Variants in CFAP47 observed in about 807,000 individuals in gnomAD.
CFAP47 encodes cilia and flagella associated protein 47, also known as cilia- and flagella-associated protein 47.
In CFAP47, 29 loss-of-function variants were observed where a neutral mutation model predicts 148.1. That is an observed-to-expected ratio of 0.20 (90% CI 0.15 to 0.27). CFAP47 has a LOEUF of 0.27. CFAP47 is among the 10% of genes least tolerant of loss of function. The pLI is 1.00. For synonymous variants in CFAP47, 664 were observed against 577.3 expected (o/e 1.15, Z -2.15); for missense variants, 1,872 against 1,697.5 (o/e 1.10, Z -1.81).
chrX:36,356,840 C>T (rs1228464125), intron 60 of CFAP47, among the ~76,000 whole-genome samples: 2 of 111,790 alleles, frequency 1.8e-5, no homozygotes, highest in African/African-American at 6.5e-5. Context: ...TAATCACATA[C>T]TTGTCTTCTC....
At chrX:36,230,073 G>A (rs1250855111) in intron 46 of CFAP47, among the ~76,000 whole-genome samples, 61 of 108,565 alleles carry the variant, frequency 5.6e-4, no homozygotes, top group African/African-American at 1.6e-3. Flanking sequence ...ATAAACATAC[G>A]TGTGCATGTG....
chrX:36,378,602 C>G (rs914009453), intron 62 of CFAP47, among the ~76,000 whole-genome samples: 24 of 111,460 alleles, frequency 2.2e-4, no homozygotes, highest in Non-Finnish European at 2.8e-4. Flanking sequence ...TGCAATGGTG[C>G]TATCTCGGCT....
chrX:36,259,340 C>T (rs1279405486), intron 49 of CFAP47, among the ~76,000 whole-genome samples: 1 of 111,194 alleles, frequency 9.0e-6, no homozygotes, highest in Non-Finnish European at 1.9e-5. Flanking sequence ...ATACCATTTA[C>T]ATATAGATTT....
At chrX:36,159,888 T>A (rs1039742049) in intron 38 of CFAP47, among the ~76,000 whole-genome samples, 3 of 111,827 alleles carry the variant, frequency 2.7e-5, no homozygotes, top group Non-Finnish European at 3.8e-5. Context: ...TATTGAGAGG[T>A]GACGATGTTC....
chrX:36,349,070 A>G (rs1407089759), intron 58 of CFAP47, among the ~76,000 whole-genome samples: 1 of 111,242 alleles, frequency 9.0e-6, no homozygotes, highest in Non-Finnish European at 1.9e-5. Flanking sequence ...GAGCAAACTT[A>G]ATATTTTGCT....
intron 49 of CFAP47, among the ~76,000 whole-genome samples, chrX:36,272,024 A>G (rs1569305254): frequency 8.9e-6 from 1 of 111,988 alleles, no homozygotes; most frequent in Non-Finnish European, 1.9e-5. Context: ...AATAGCCAAC[A>G]CTATAGACAT....
At chrX:35,983,097 ATTTG>A (rs1936668384) in intron 15 of CFAP47, among the ~76,000 whole-genome samples, 2 of 111,799 alleles carry the variant, frequency 1.8e-5, no homozygotes, top group South Asian at 3.7e-4. Flanking sequence ...ATATTTTTCT[ATTTG>A]TTTGTGTCAT....
At chrX:36,376,868 T>C (rs1198877825) in intron 62 of CFAP47, among the ~76,000 whole-genome samples, 2 of 104,589 alleles carry the variant, frequency 1.9e-5, no homozygotes, top group African/African-American at 7.0e-5. Context: ...AGTGAGAACA[T>C]GCGGTGTCTG....
chrX:36,162,074 A>C (rs1939437472), intron 39 of CFAP47, among the ~76,000 whole-genome samples: 1 of 112,494 alleles, frequency 8.9e-6, no homozygotes, highest in African/African-American at 3.2e-5. Context: ...GTGTTAAAGC[A>C]GAAAGAAAAT....
At chrX:36,374,279 A>G (rs914828145) in intron 62 of CFAP47, among the ~76,000 whole-genome samples, 44 of 110,750 alleles carry the variant, frequency 4.0e-4, no homozygotes, top group African/African-American at 1.4e-3. Flanking sequence ...TAGGTTATAT[A>G]TTTCTAGAAA....
chrX:36,143,916 C>A (rs754665432), intron 35 of CFAP47, among the ~76,000 whole-genome samples: 1 of 111,256 alleles, frequency 9.0e-6, no homozygotes, highest in Non-Finnish European at 1.9e-5. Context: ...GTTCAGAAAT[C>A]AAGTCCCTCA....
intron 49 of CFAP47, among the ~76,000 whole-genome samples, chrX:36,274,873 A>G (rs1940996862): frequency 9.0e-6 from 1 of 111,602 alleles, no homozygotes; most frequent in Admixed American, 9.5e-5. Context: ...TATATTGGAT[A>G]GAAGTGGAAA....
At position 36,209,156 on chromosome X, in the gene CFAP47, C is replaced by T. The variant is rs1167015666; in HGVS notation, c.6817+4046C>T. ...TGATGTAAGCTGACTTTAATTGGAA[C>T]AAATCTATTATACTTTATTGTTAGC... is the stretch of plus-strand genomic sequence containing the variant. On this transcript the variant is annotated intron_variant, in intron 45 of 63. Transcript: ENST00000378653. Among the ~76,000 whole-genome samples the T allele has an allele frequency of 2.7e-5, 3 of 111,674 alleles. No homozygotes were observed. The Admixed American group carries it at 2.9e-4, about 11-fold the overall frequency.
intron 62 of CFAP47, among the ~76,000 whole-genome samples, chrX:36,375,705 A>G (rs12164358): frequency 0.095 from 10,657 of 111,987 alleles, 386 homozygotes; most frequent in East Asian, 0.23. Context: ...TAAAGCAGTT[A>G]TCTTCGCCAG....
intron 39 of CFAP47, among the ~76,000 whole-genome samples, chrX:36,173,103 T>C (rs1275484522): frequency 9.0e-6 from 1 of 111,609 alleles, no homozygotes; most frequent in Admixed American, 9.5e-5. Flanking sequence ...GTTTGTAGTA[T>C]TCTCTGATGG....
chrX:36,319,339 C>G (rs1461526945), intron 57 of CFAP47, 32 bp downstream of exon 57: 1 of 681,394 alleles, frequency 1.5e-6, no homozygotes, highest in African/African-American at 2.3e-5. Context: ...TTCTATCATT[C>G]TGTTTGTTGT....
chrX:35,923,912 T>C (rs1276352059), intron 1 of CFAP47, among the ~76,000 whole-genome samples: 1 of 84,745 alleles, frequency 1.2e-5, no homozygotes, highest in South Asian at 5.0e-4. Context: ...TGTACATGTG[T>C]ATATATGTAC....
At chrX:36,079,593 G>T (rs750761041) in intron 29 of CFAP47, among the ~76,000 whole-genome samples, 1 of 111,235 alleles carries the variant, frequency 9.0e-6, no homozygotes, top group South Asian at 3.8e-4. Flanking sequence ...TTTTGTTCAA[G>T]ATTTTTAGCT....
intron 60 of CFAP47, among the ~76,000 whole-genome samples, chrX:36,354,402 A>T (rs1941768708): frequency 1.9e-5 from 2 of 103,873 alleles, no homozygotes; most frequent in Admixed American, 2.1e-4. Flanking sequence ...AATCACTTGA[A>T]CCTGGGAGGC....
Sources: gnomAD v4.1 joint callset for allele counts (sites outside exome capture counted in the v4.1 genomes callset) on GRCh38, gnomAD v4.1.1 for gene constraint, MANE v1.5 for transcripts, NCBI Gene and HGNC (gene_info 2026-07-23, HGNC 2026-07-21) for gene names.